The following EIF2B4 variants were observed in gnomAD, a reference collection of about 807,000 sequenced individuals.
The protein encoded by EIF2B4 is eukaryotic translation initiation factor 2B subunit delta.
EIF2B4 carries 34 observed loss-of-function variants against 66.7 expected under a neutral mutation model. The ratio of observed to expected loss-of-function variants is 0.51; its 90% CI spans 0.39 to 0.68. The LOEUF (loss-of-function observed/expected upper bound fraction) is 0.68, where lower values mean the gene tolerates loss of function less well. Ranked by LOEUF, EIF2B4 falls within the 30% of genes least tolerant of loss-of-function variation. The probability of loss-of-function intolerance (pLI) is 0.00; values close to 1 mark genes in which losing one functional copy is unlikely to be tolerated. For missense variants in EIF2B4, 618 were observed against 657.9 expected (o/e 0.94, Z 0.66); for synonymous variants, 278 against 253.6 (o/e 1.10, Z -0.92).
chr2:27,367,658 A>G, intron 8 of EIF2B4, 88 bp downstream of exon 8: 1 of 1,591,088 alleles, frequency 6.3e-7, no homozygotes, highest in Non-Finnish European at 8.6e-7. Flanking sequence ...AATAGAACAC[A>G]AAATGAAAAG....
chr2:27,368,294 A>C, intron 6 of EIF2B4, 78 bp downstream of exon 6: 1 of 1,416,872 alleles, frequency 7.1e-7, no homozygotes. Flanking sequence ...AGTCCATCTC[A>C]GATTACTAGA....
intron 9 of EIF2B4, 108 bp from the exon 10 acceptor site, chr2:27,367,309 A>T (rs769997198): frequency 1.4e-5 from 22 of 1,587,148 alleles, no homozygotes; most frequent in Middle Eastern, 1.7e-4. Context: ...TAGAGGGCTC[A>T]GAGATGGCAC....
chr2:27,368,745 T>G lies in EIF2B4; in HGVS notation c.419-12A>C. 1 of 1,613,456 alleles carries G rather than the reference T, an allele frequency of 6.2e-7. No homozygotes were observed. The highest frequency in any genetic ancestry group is 8.5e-7 in the Non-Finnish European group (1 of 1,179,390). On this transcript the variant is annotated splice_polypyrimidine_tract_variant and intron_variant, in intron 4 of 12. Transcript: ENST00000347454. ...GAGACGCTTCACTCCTGAAAGATAA[T>G]CATCATGTTTTCAGGACACTGTAGG...
In EIF2B4 at chr2:27,370,181, C is replaced by T. The variant is rs568745662; in HGVS notation, c.31+103G>A. ...GTGTAGACCGGAGCCCAGCGTGGCG[C>T]TGGAACGGAGCGGCGGGGCCCAAAG... On this transcript the variant is annotated intron_variant, in intron 1 of 12. Coordinates refer to ENST00000347454, the MANE Select transcript of EIF2B4 (RefSeq NM_001034116.2). The T allele has an allele frequency of 8.4e-6, 13 of 1,544,396 alleles. No homozygotes were observed. In the African/African-American group the frequency reaches 1.6e-4, roughly 19 times the overall value.
At chr2:27,366,455 G>T in intron 11 of EIF2B4, 1 of 420,650 alleles carries the variant, frequency 2.4e-6, no homozygotes, top group Non-Finnish European at 4.5e-6. Flanking sequence ...GGCCGAGACA[G>T]GGGGAACTGC....
At chr2:27,367,308 C>T (rs1681932935) in intron 9 of EIF2B4, 107 bp from the exon 10 acceptor site, 4 of 1,586,698 alleles carry the variant, frequency 2.5e-6, no homozygotes, top group Non-Finnish European at 2.6e-6. Flanking sequence ...ATAGAGGGCT[C>T]AGAGATGGCA....
At position 27,368,015 on chromosome 2, in the gene EIF2B4, T is replaced by A; in HGVS notation, c.705+10A>T. 6.4e-7 allele frequency: 1 copy of A among 1,570,042 alleles called. No homozygotes were observed. The highest frequency in any genetic ancestry group is 8.7e-7 in the Non-Finnish European group (1 of 1,156,064). Reference sequence around the variant, plus strand: ...GGTTGGATCATAAGAGAGAACAGGATGGGACATACCTGCTGCAAGGCACGA... The same window carrying A: ...GGTTGGATCATAAGAGAGAACAGGAAGGGACATACCTGCTGCAAGGCACGA... On this transcript the variant is annotated intron_variant, in intron 7 of 12. Transcript: ENST00000347454.
intron 1 of EIF2B4, 64 bp from the exon 2 acceptor site, chr2:27,369,983 T>TACTC (rs1682260537): frequency 6.5e-7 from 1 of 1,543,544 alleles, no homozygotes; most frequent in East Asian, 2.4e-5. Context: ...GGGGCACGAG[T>TACTC]ACTCGGCGCA....
intron 4 of EIF2B4, 69 bp downstream of exon 4, chr2:27,368,937 T>A: frequency 6.3e-7 from 1 of 1,587,972 alleles, no homozygotes; most frequent in Non-Finnish European, 8.6e-7. Flanking sequence ...AGAGCTGTTT[T>A]ACTATTGGGC....
intron 3 of EIF2B4, 100 bp from the exon 4 acceptor site, chr2:27,369,312 C>G: frequency 6.2e-7 from 1 of 1,608,730 alleles, no homozygotes; most frequent in South Asian, 1.1e-5. Context: ...TTGCTTTACA[C>G]ACTTGCTCAA....
At chr2:27,364,948 C>G in intron 11 of EIF2B4, 50 bp from the exon 12 acceptor site, 1 of 1,573,864 alleles carries the variant, frequency 6.4e-7, no homozygotes, top group Non-Finnish European at 8.7e-7. Flanking sequence ...TGTATCAATG[C>G]AAAATAAGGT....
chr2:27,364,629 T>G (rs772237196), intron 12 of EIF2B4, 30 bp from the exon 13 acceptor site: 10 of 1,614,096 alleles, frequency 6.2e-6, no homozygotes, highest in Non-Finnish European at 5.9e-6. Flanking sequence ...CATTATGTTC[T>G]TTCAGAAAAG....
chr2:27,368,643 C>T lies in EIF2B4; in HGVS notation c.498+11G>A. The T allele has an allele frequency of 1.2e-6, 2 of 1,614,196 alleles. No individual in the cohort carries two copies. The highest frequency in any genetic ancestry group is 1.7e-6 in the Non-Finnish European group (2 of 1,180,034). On this transcript the variant is annotated intron_variant, in intron 5 of 12. Coordinates refer to ENST00000347454, the MANE Select transcript of EIF2B4 (RefSeq NM_001034116.2). The stretch of plus-strand genomic sequence containing the variant: ...GGCTCTTTCTAGCCAGGCACCAAAC[C>T]CACTTCCTACCTGTTGACGCTCTGG...
chr2:27,364,946 T>C, intron 11 of EIF2B4, 48 bp from the exon 12 acceptor site: 3 of 1,589,164 alleles, frequency 1.9e-6, no homozygotes, highest in East Asian at 4.5e-5. Flanking sequence ...GTTGTATCAA[T>C]GCAAAATAAG....
At chr2:27,366,982 G>C (rs753949012) in intron 10 of EIF2B4, 46 bp from the exon 11 acceptor site, 2 of 1,613,826 alleles carry the variant, frequency 1.2e-6, no homozygotes, top group Non-Finnish European at 1.7e-6. Context: ...GTCAGTAACT[G>C]ATGACTAACT....
intron 11 of EIF2B4, chr2:27,366,484 G>C (rs1455814254): frequency 8.6e-6 from 4 of 466,210 alleles, no homozygotes; most frequent in Middle Eastern, 1.3e-3. Context: ...AGGAGTTCCA[G>C]CCTGGGCAAT....
intron 11 of EIF2B4, chr2:27,365,590 A>G (rs1681790855): frequency 6.5e-6 from 1 of 152,800 alleles, no homozygotes; most frequent in African/African-American, 2.4e-5. Flanking sequence ...GTTAGCCAGG[A>G]TGATTGTGAA....
Position 27,367,141 on chromosome 2 carries a change from C to G in EIF2B4, c.946G>C (p.Ala316Pro). ...TAAGCAAAGCGTGAAATTGCCTGAG[C>G]TGCTAGCACAATCTTCTCTTGCACA... ...RYVQEKIVLA[A>P]QAISRFAYQK... Residue 316 changes from alanine to proline, a missense_variant, in exon 10 of 13, where the codon GCT (alanine) becomes CCT (proline). By Grantham distance (27) the Ala-to-Pro change is conservative. Coordinates refer to ENST00000347454, the MANE Select transcript of EIF2B4 (RefSeq NM_001034116.2). The G allele has an allele frequency of 1.2e-6, 2 of 1,614,224 alleles. No individual in the cohort carries two copies. Among genetic ancestry groups the G allele is most frequent in the Non-Finnish European group, 1.7e-6 (2 of 1,180,054 alleles).
intron 3 of EIF2B4, 90 bp from the exon 4 acceptor site, chr2:27,369,302 T>G: frequency 6.2e-7 from 1 of 1,605,842 alleles, no homozygotes; most frequent in Non-Finnish European, 8.5e-7. Context: ...GTAAACCTCT[T>G]TGCTTTACAC....
Sources: allele counts gnomAD v4.1 joint callset, GRCh38; gene constraint gnomAD v4.1.1; transcripts MANE v1.5; gene names NCBI Gene and HGNC (gene_info 2026-07-23, HGNC 2026-07-21).